The following TTC27 variants were observed in gnomAD, a reference collection of about 807,000 sequenced individuals.
The protein encoded by TTC27 is tetratricopeptide repeat protein 27.
A neutral mutation model predicts 115.9 loss-of-function variants in TTC27; 79 were observed. The observed-to-expected ratio is 0.68, with a 90% CI of 0.57 to 0.82. TTC27 has a LOEUF of 0.82. TTC27 is among the 40% of genes least tolerant of loss of function. The pLI is 0.00. For missense variants in TTC27, 1,054 were observed against 993.1 expected, an observed-to-expected ratio of 1.06 and a Z score of -0.82; for synonymous variants, 401 against 356.0, an observed-to-expected ratio of 1.13 and a Z score of -1.42.
intron 12 of TTC27, among the ~76,000 whole-genome samples, chr2:32,744,200 G>T (rs1421004701): frequency 6.6e-6 from 1 of 152,148 alleles, no homozygotes; most frequent in Non-Finnish European, 1.5e-5. Flanking sequence ...TTTCTCTGCT[G>T]TCCTGCTCTA....
chr2:32,685,738 G>T (rs1666606308), intron 9 of TTC27, among the ~76,000 whole-genome samples: 1 of 152,276 alleles, frequency 6.6e-6, no homozygotes, highest in East Asian at 1.9e-4. Context: ...ACCTGATTAA[G>T]TGCATCTAGC....
intron 5 of TTC27, among the ~76,000 whole-genome samples, chr2:32,662,907 A>T (rs1035710664): frequency 9.2e-5 from 14 of 152,008 alleles, no homozygotes; most frequent in African/African-American, 3.1e-4. Context: ...TTCTCCTATG[A>T]GCATTTAGTG....
At chr2:32,653,199 C>T (rs1191388320) in intron 5 of TTC27, among the ~76,000 whole-genome samples, 4 of 152,132 alleles carry the variant, frequency 2.6e-5, no homozygotes, top group Admixed American at 2.6e-4. Context: ...CTCATGAAGT[C>T]GCTAAGAGAA....
At position 32,630,695 on chromosome 2, in the gene TTC27, G is replaced by T; in HGVS notation, c.261G>T (p.Thr87=). ...ATTACTCAACAGATTTGGACACAAC[G>T]GAAAGGTAGAATTTTATTTGAAATT... ...FLDYSTDLDT[T]ERQQLIFLLG... Residue 87 remains threonine (T), a synonymous_variant, in exon 2 of 20, where the codon ACG becomes ACT. Transcript: ENST00000317907. 1 of 1,598,588 alleles carries T rather than the reference G, an allele frequency of 6.3e-7. No homozygotes were observed. Among genetic ancestry groups the T allele is most frequent in the Non-Finnish European group, 8.5e-7 (1 of 1,175,088 alleles).
chr2:32,820,854 G>A lies in TTC27; in HGVS notation c.2448G>A (p.Arg816=). Reference sequence around the variant, plus strand: ...ATGTGGCAACTGGAGAAATGTCCAGGGAATTAGCTGATGACATAACAGCTA... The same window carrying A: ...ATGTGGCAACTGGAGAAATGTCCAGAGAATTAGCTGATGACATAACAGCTA... The part of the protein sequence containing the change: ...FTDVATGEMS[R]ELADDITAMD... The change falls in exon 20 of 20, where the codon AGG becomes AGA. Residue 816 remains arginine, a synonymous_variant. Coordinates refer to ENST00000317907, the MANE Select transcript of TTC27 (RefSeq NM_017735.5). 1.3e-6 allele frequency: 2 copies of A among 1,542,076 alleles called. No individual in the cohort carries two copies. The highest frequency in any genetic ancestry group is 2.5e-5 in the East Asian group (1 of 40,712).
chr2:32,705,088 C>T (rs183217232), intron 10 of TTC27: 41 of 371,740 alleles, frequency 1.1e-4, no homozygotes, highest in Non-Finnish European at 2.7e-5. Context: ...GTGTTGGGGT[C>T]ACGGGAGGGA....
At chr2:32,795,005 A>G (rs188148176) in intron 16 of TTC27, among the ~76,000 whole-genome samples, 50 of 152,264 alleles carry the variant, frequency 3.3e-4, no homozygotes, top group African/African-American at 1.0e-3. Flanking sequence ...ATTGTATCAA[A>G]CATTTAAAGA....
intron 16 of TTC27, among the ~76,000 whole-genome samples, chr2:32,792,564 G>A (rs1670571818): frequency 6.6e-6 from 1 of 152,020 alleles, no homozygotes; most frequent in South Asian, 2.1e-4. Flanking sequence ...ACTGAGGTTT[G>A]GGGAAGCCAA....
chr2:32,820,915 A>G lies in TTC27; in HGVS notation c.2509A>G (p.Asn837Asp). 3 of 1,526,080 alleles carry G rather than the reference A, an allele frequency of 2.0e-6. No individual in the cohort carries two copies. The highest frequency in any genetic ancestry group is 1.8e-6 in the Non-Finnish European group (2 of 1,131,136). The allele number at this position is 1,526,080 out of a possible 1,614,324, so 94.5% of individuals were successfully genotyped here. The change falls in exon 20 of 20, where the codon AAC (asparagine) becomes GAC (aspartate). Residue 837 changes from asparagine (N) to aspartate (D), a missense_variant. Asn to Asp is a conservative substitution (Grantham distance 23). Coordinates refer to ENST00000317907, the MANE Select transcript of TTC27 (RefSeq NM_017735.5). ...AGTGACAGAGCTCCAAGACCTAAGC[A>G]ACCAGTTTCGAAATCAGTATTGATT... ...TLVTELQDLS[N>D]QFRNQY
intron 16 of TTC27, among the ~76,000 whole-genome samples, chr2:32,799,133 CA>C (rs796444260): frequency 6.6e-6 from 1 of 151,820 alleles, no homozygotes; most frequent in Non-Finnish European, 1.5e-5. Flanking sequence ...AAACCAGTCA[CA>C]AAAAAACAAA....
At chr2:32,811,710 C>G (rs1671322104) in intron 17 of TTC27, among the ~76,000 whole-genome samples, 1 of 152,210 alleles carries the variant, frequency 6.6e-6, no homozygotes, top group Non-Finnish European at 1.5e-5. Flanking sequence ...TGCCCTTTCT[C>G]ACAAGTGCGA....
chr2:32,733,608 G>C (rs1372487632), intron 10 of TTC27, among the ~76,000 whole-genome samples: 1 of 152,144 alleles, frequency 6.6e-6, no homozygotes, highest in East Asian at 1.9e-4. Context: ...ACTTTTTCTG[G>C]TAAGTTTTTA....
At chr2:32,782,875 A>C (rs1431086658) in intron 15 of TTC27, among the ~76,000 whole-genome samples, 197 bp downstream of exon 15, 1 of 152,190 alleles carries the variant, frequency 6.6e-6, no homozygotes, top group East Asian at 1.9e-4. Context: ...ATTTCTTAAA[A>C]ACATTTCATA....
intron 16 of TTC27, among the ~76,000 whole-genome samples, chr2:32,797,773 A>G (rs923898213): frequency 1.3e-5 from 2 of 152,238 alleles, no homozygotes; most frequent in African/African-American, 4.8e-5. Flanking sequence ...GGACTTTGTG[A>G]AAATTTAAAA....
intron 12 of TTC27, among the ~76,000 whole-genome samples, chr2:32,742,001 C>A (rs2151919268): frequency 6.6e-6 from 1 of 152,276 alleles, no homozygotes; most frequent in East Asian, 1.9e-4. Context: ...AAACTGTGAG[C>A]ATATTATTAT....
chr2:32,814,457 C>G (rs1671423547), intron 18 of TTC27, among the ~76,000 whole-genome samples: 1 of 152,178 alleles, frequency 6.6e-6, no homozygotes, highest in African/African-American at 2.4e-5. Flanking sequence ...AAAGATAAAT[C>G]TTAATCATTT....
At chr2:32,634,996 A>G (rs1210321036) in intron 3 of TTC27, among the ~76,000 whole-genome samples, 1 of 152,130 alleles carries the variant, frequency 6.6e-6, no homozygotes, top group African/African-American at 2.4e-5. Flanking sequence ...AATGGCTCCC[A>G]GGAGTGGTTT....
chr2:32,726,816 G>A (rs1253704386), intron 10 of TTC27, among the ~76,000 whole-genome samples: 1 of 152,120 alleles, frequency 6.6e-6, no homozygotes, highest in Admixed American at 6.5e-5. Flanking sequence ...TAGGAAAACG[G>A]GGTTTAATGG....
intron 13 of TTC27, among the ~76,000 whole-genome samples, chr2:32,759,082 C>T (rs1387978711): frequency 6.6e-6 from 1 of 152,002 alleles, no homozygotes; most frequent in Non-Finnish European, 1.5e-5. Flanking sequence ...TAGGAGTGGA[C>T]CTAATTTTGA....
Sources: gnomAD v4.1 joint callset for allele counts (sites outside exome capture counted in the v4.1 genomes callset) on GRCh38, gnomAD v4.1.1 for gene constraint, MANE v1.5 for transcripts, NCBI Gene and HGNC (gene_info 2026-07-23, HGNC 2026-07-21) for gene names.